Variants in STK32B observed in about 807,000 individuals in gnomAD.
STK32B encodes serine/threonine-protein kinase 32B.
In STK32B, 43 loss-of-function variants were observed where a neutral mutation model predicts 52.6. The observed-to-expected ratio is 0.82, with a 90% CI of 0.64 to 1.05. The LOEUF is 1.05. Among genes scored for constraint, STK32B ranks in the 50% least tolerant of loss-of-function variants. STK32B has a pLI of 0.00. For missense variants in STK32B, 621 were observed against 534.6 expected (o/e 1.16, Z -1.59); for synonymous variants, 238 against 204.3 (o/e 1.17, Z -1.41).
At chr4:5,190,946 G>C (rs542481141) in intron 3 of STK32B, among the ~76,000 whole-genome samples, 5 of 152,282 alleles carry the variant, frequency 3.3e-5, no homozygotes, top group Admixed American at 1.3e-4. Context: ...TGTGACTCCA[G>C]AGCCTGCACT....
At chr4:5,320,742 G>A (rs1257965086) in intron 3 of STK32B, among the ~76,000 whole-genome samples, 2 of 152,136 alleles carry the variant, frequency 1.3e-5, no homozygotes, top group Non-Finnish European at 2.9e-5. Flanking sequence ...TTTAGTGTTT[G>A]ATCATGAGGA....
intron 3 of STK32B, among the ~76,000 whole-genome samples, chr4:5,239,410 C>T (rs1724853153): frequency 1.3e-5 from 2 of 152,234 alleles, no homozygotes; most frequent in East Asian, 1.9e-4. Context: ...GATTTGTTCT[C>T]TACCTGCAGA....
In STK32B at chr4:5,469,083, G is replaced by T. The variant is rs1439228716; in HGVS notation, c.1106+1013G>T. Among the ~76,000 whole-genome samples the T allele has an allele frequency of 6.6e-6, 1 of 151,006 alleles. No individual in the cohort carries two copies. Among genetic ancestry groups the T allele is most frequent in the East Asian group, 1.9e-4 (1 of 5,148 alleles). On this transcript the variant is annotated intron_variant, in intron 11 of 11. Coordinates refer to ENST00000282908, the MANE Select transcript of STK32B (RefSeq NM_018401.3). This position sits in a 1 kb window ranked among gnomAD's most constrained non-coding sequence, Gnocchi z 4.7. ...AAAAAAAAAATTATCTAGGGGATTT[G>T]TGGCTGTGGCTGACTTGTCAGAGCT...
chr4:5,170,869 C>T (rs1298083838), intron 3 of STK32B, among the ~76,000 whole-genome samples: 2 of 152,122 alleles, frequency 1.3e-5, no homozygotes, highest in African/African-American at 2.4e-5. Context: ...GTTCTAGATC[C>T]CTGAGGAATC....
intron 1 of STK32B, among the ~76,000 whole-genome samples, chr4:5,074,460 T>G (rs1273605150): frequency 1.3e-5 from 2 of 152,080 alleles, no homozygotes; most frequent in Non-Finnish European, 2.9e-5. Context: ...CTTTAAAAAT[T>G]CTGCTAATTT....
chr4:5,494,157 C>G (rs1000731161), intron 11 of STK32B, among the ~76,000 whole-genome samples: 1 of 152,126 alleles, frequency 6.6e-6, no homozygotes, highest in East Asian at 1.9e-4. Context: ...TCTCGTTGAT[C>G]TGTCTAATGT....
At chr4:5,377,161 G>A (rs1176290578) in intron 4 of STK32B, among the ~76,000 whole-genome samples, 1 of 152,128 alleles carries the variant, frequency 6.6e-6, no homozygotes. Context: ...ACTTTTATAT[G>A]GTATGGTGCG....
At chr4:5,114,759 G>T (rs1171101622) in intron 1 of STK32B, among the ~76,000 whole-genome samples, 1 of 152,192 alleles carries the variant, frequency 6.6e-6, no homozygotes, top group Non-Finnish European at 1.5e-5. Flanking sequence ...AGAATGTCCT[G>T]TTCCTCCCGC....
At chr4:5,450,695 T>C (rs1480387597) in intron 7 of STK32B, among the ~76,000 whole-genome samples, 1 of 152,226 alleles carries the variant, frequency 6.6e-6, no homozygotes, top group African/African-American at 2.4e-5. Flanking sequence ...TTAGTAATTA[T>C]ATCTACCCAA....
rs182212388 is a variant in STK32B at position 5,361,577 on chromosome 4, C to G, written c.434+30184C>G. 5.9e-5 allele frequency among the ~76,000 whole-genome samples: 9 copies of G among 152,294 alleles called. No homozygotes were observed. In the East Asian group the frequency reaches 1.2e-3, roughly 20 times the overall value. On this transcript the variant is annotated intron_variant, in intron 4 of 11. Transcript: ENST00000282908. ...ATGGGGTCTCACTATGTTGCCCAGG[C>G]TGGTCTCAAACTCCTGGGCTGAAGT...
Position 5,170,223 on chromosome 4 carries a change from A to T in STK32B, c.260+1773A>T, listed in dbSNP as rs1398796035. On this transcript the variant is annotated intron_variant, in intron 3 of 11. Transcript: ENST00000282908. ...CCTTAAGGTGGACTAAGAAGATCAG[A>T]TGCCTAGTGGAGCTTGTATGATGTA... Among the ~76,000 whole-genome samples, 8 of 152,328 alleles carry T rather than the reference A, an allele frequency of 5.3e-5. No homozygotes were observed. The East Asian group carries it at 1.5e-3, about 29-fold the overall frequency.
chr4:5,496,548 C>CCTGCTTCTGCACGCGCACGGTGCG (rs61698429), intron 11 of STK32B, among the ~76,000 whole-genome samples: 1 of 137,920 alleles, frequency 7.3e-6, no homozygotes, highest in African/African-American at 3.3e-5. Context: ...AATGCCTTGC[C>CCTGCTTCTGCACGCGCACGGTGCG]CTGCACCCAC....
At chr4:5,405,448 G>T (rs781251853) in intron 5 of STK32B, among the ~76,000 whole-genome samples, 2 of 152,168 alleles carry the variant, frequency 1.3e-5, no homozygotes, top group Non-Finnish European at 2.9e-5. Flanking sequence ...AAAATTCAAA[G>T]GTTGAAACTG....
intron 3 of STK32B, among the ~76,000 whole-genome samples, chr4:5,225,991 T>C (rs1191158792): frequency 6.6e-6 from 1 of 152,232 alleles, no homozygotes; most frequent in African/African-American, 2.4e-5. Flanking sequence ...GTTTGTCTCC[T>C]TCCAAGAATC....
intron 3 of STK32B, among the ~76,000 whole-genome samples, chr4:5,177,160 G>A (rs1719972373): frequency 6.6e-6 from 1 of 152,194 alleles, no homozygotes; most frequent in Non-Finnish European, 1.5e-5. Flanking sequence ...GATTTATAAA[G>A]GAAAGAAGTT....
intron 3 of STK32B, among the ~76,000 whole-genome samples, chr4:5,278,420 C>A (rs1440591056): frequency 6.6e-6 from 1 of 152,040 alleles, no homozygotes; most frequent in Non-Finnish European, 1.5e-5. Context: ...AGACCTTGGG[C>A]CCTTGTGAGA....
intron 3 of STK32B, among the ~76,000 whole-genome samples, chr4:5,220,219 T>C (rs1333551007): frequency 2.0e-5 from 3 of 152,138 alleles, no homozygotes; most frequent in African/African-American, 7.2e-5. Flanking sequence ...CCTGAAGCAT[T>C]CACTCCGCTT....
At chr4:5,179,773 C>T (rs1018544271) in intron 3 of STK32B, among the ~76,000 whole-genome samples, 1 of 152,210 alleles carries the variant, frequency 6.6e-6, no homozygotes, top group Admixed American at 6.5e-5. Context: ...AGGGAATTGG[C>T]TTTTATAACT....
the STK32B span, among the ~76,000 whole-genome samples, chr4:5,043,094 C>T: frequency 8.7e-6 from 1 of 114,944 alleles, no homozygotes; most frequent in African/African-American, 3.5e-5. Flanking sequence ...GCCTGGGCGA[C>T]AGAGCGAGAC....
Sources: allele counts gnomAD v4.1 joint callset (sites outside exome capture counted in the v4.1 genomes callset), GRCh38; gene constraint gnomAD v4.1.1; non-coding constraint Gnocchi (gnomAD v3.1); transcripts MANE v1.5; gene names NCBI Gene and HGNC (gene_info 2026-07-23, HGNC 2026-07-21).